The following CSMD2 variants were observed in gnomAD, a reference collection of about 807,000 sequenced individuals.
CSMD2 encodes the protein CUB and Sushi multiple domains 2.
CSMD2 carries 130 observed loss-of-function variants against 398.5 expected under a neutral mutation model. The ratio of observed to expected loss-of-function variants is 0.33; its 90% confidence interval spans 0.28 to 0.38. The LOEUF is 0.38. Ranked by LOEUF, CSMD2 falls within the 10% of genes least tolerant of loss-of-function variation. The pLI is 1.00. For synonymous variants in CSMD2, 1,828 were observed against 1,908.5 expected, an observed-to-expected ratio of 0.96 and a Z score of 1.10; for missense variants, 3,829 against 4,764.9, an observed-to-expected ratio of 0.80 and a Z score of 5.78.
intron 41 of CSMD2, 51 bp downstream of exon 41, chr1:33,610,990 G>A: frequency 6.4e-7 from 1 of 1,551,136 alleles, no homozygotes; most frequent in South Asian, 1.1e-5. Flanking sequence ...GGTGGCTGGG[G>A]CAAGAGATGG....
intron 7 of CSMD2, among the ~76,000 whole-genome samples, chr1:33,824,133 A>G (rs1267633848): frequency 6.6e-6 from 1 of 152,192 alleles, no homozygotes; most frequent in Non-Finnish European, 1.5e-5. Flanking sequence ...CAGTTGGGAT[A>G]AATATTTGAT....
At chr1:33,967,704 A>C (rs1300159963) in intron 3 of CSMD2, among the ~76,000 whole-genome samples, 2 of 152,184 alleles carry the variant, frequency 1.3e-5, no homozygotes, top group African/African-American at 4.8e-5. Flanking sequence ...AGTAGGGCCA[A>C]TAGGTTTGGG....
At chr1:33,979,241 C>T (rs774384905) in intron 3 of CSMD2, among the ~76,000 whole-genome samples, 4 of 152,170 alleles carry the variant, frequency 2.6e-5, no homozygotes, top group Admixed American at 1.3e-4. Flanking sequence ...GACCTGGCCC[C>T]GTCACAGCTG....
chr1:34,015,564 C>G (rs1647968898), intron 3 of CSMD2, among the ~76,000 whole-genome samples: 1 of 152,162 alleles, frequency 6.6e-6, no homozygotes, highest in South Asian at 2.1e-4. Flanking sequence ...TTCCCAGGCA[C>G]TCTGCAGATT....
At chr1:33,776,037 A>C (rs474826) in intron 12 of CSMD2, among the ~76,000 whole-genome samples, 51,654 of 152,100 alleles carry the variant, frequency 0.34, 9,966 homozygotes, top group African/African-American at 0.53. Flanking sequence ...GGCCAATACC[A>C]AACAGGAGAA....
intron 20 of CSMD2, among the ~76,000 whole-genome samples, chr1:33,715,817 CAGAG>C (rs1420441732): frequency 6.6e-6 from 1 of 152,106 alleles, no homozygotes; most frequent in Non-Finnish European, 1.5e-5. Context: ...AATCCCTAAA[CAGAG>C]AGATAAATAT....
chr1:33,855,676 G>A (rs543121810), intron 5 of CSMD2, among the ~76,000 whole-genome samples: 3 of 152,202 alleles, frequency 2.0e-5, no homozygotes, highest in South Asian at 2.1e-4. Context: ...TCTATTATAT[G>A]TCAGATCTGA....
intron 1 of CSMD2, among the ~76,000 whole-genome samples, chr1:34,125,683 A>C (rs1224615986): frequency 6.6e-6 from 1 of 152,210 alleles, no homozygotes; most frequent in East Asian, 1.9e-4. Context: ...GTTATTTAAT[A>C]AGAATGTCAC....
At chr1:33,766,524 G>A (rs921323834) in intron 13 of CSMD2, among the ~76,000 whole-genome samples, 5 of 152,044 alleles carry the variant, frequency 3.3e-5, no homozygotes, top group African/African-American at 1.2e-4. Flanking sequence ...AAGCCACAAG[G>A]GCCCACTTCA....
chr1:33,733,235 G>A (rs1162888091), intron 15 of CSMD2, among the ~76,000 whole-genome samples: 1 of 152,154 alleles, frequency 6.6e-6, no homozygotes, highest in African/African-American at 2.4e-5. Flanking sequence ...GGCTGGAAGT[G>A]TTGCCTCCTA....
chr1:33,662,684 T>C (rs1220270908), intron 26 of CSMD2, among the ~76,000 whole-genome samples: 1 of 152,234 alleles, frequency 6.6e-6, no homozygotes, highest in Non-Finnish European at 1.5e-5. Context: ...CCTATTTGTA[T>C]GTGTCTATTA....
Position 33,876,631 on chromosome 1 carries a change from G to A in CSMD2, c.921-29635C>T, listed in dbSNP as rs114246540. On this transcript the variant is annotated intron_variant, in intron 5 of 70. Transcript: ENST00000373381. The stretch of plus-strand genomic sequence containing the variant: ...AGATGGAGACACAGAGAGGTTAGGC[G>A]ACTTGCTTGAGGTCACACAGCTATC... 3.3e-3 allele frequency among the ~76,000 whole-genome samples: 508 copies of A among 152,266 alleles called. 5 individuals carry two copies. The highest frequency in any genetic ancestry group is 0.012 in the African/African-American group (496 of 41,548).
chr1:33,947,560 G>A (rs1644876253), intron 3 of CSMD2, among the ~76,000 whole-genome samples: 1 of 152,150 alleles, frequency 6.6e-6, no homozygotes, highest in East Asian at 1.9e-4. Flanking sequence ...GAAGCACCAT[G>A]TTCCCAAGGC....
At chr1:34,141,519 T>C (rs553227501) in intron 1 of CSMD2, among the ~76,000 whole-genome samples, 5 of 152,302 alleles carry the variant, frequency 3.3e-5, no homozygotes, top group Non-Finnish European at 5.9e-5. Flanking sequence ...ATTGAAGTGA[T>C]GGCTGGGCCT....
At chr1:33,718,354 G>A (rs761813304) in intron 19 of CSMD2, among the ~76,000 whole-genome samples, 2 of 152,254 alleles carry the variant, frequency 1.3e-5, no homozygotes, top group Non-Finnish European at 2.9e-5. Context: ...GTGGGCATGT[G>A]TGTAAGTGCG....
chr1:33,935,610 A>T, intron 4 of CSMD2, 150 bp downstream of exon 4: 1 of 724,882 alleles, frequency 1.4e-6, no homozygotes, highest in Non-Finnish European at 2.2e-6. Flanking sequence ...ACACTTGAGG[A>T]CCCTGAAAAC....
intron 1 of CSMD2, among the ~76,000 whole-genome samples, chr1:34,108,209 T>C (rs558888530): frequency 1.3e-5 from 2 of 152,186 alleles, no homozygotes; most frequent in African/African-American, 2.4e-5. Flanking sequence ...TGTGCCCTTA[T>C]GTGAGACATA....
intron 19 of CSMD2, 76 bp from the exon 20 acceptor site, chr1:33,716,577 C>G (rs927467713): frequency 6.8e-6 from 7 of 1,023,924 alleles, no homozygotes; most frequent in Non-Finnish European, 1.0e-5. Flanking sequence ...AGGATCTACA[C>G]AAACATTTCC....
intron 3 of CSMD2, among the ~76,000 whole-genome samples, chr1:34,016,220 G>C (rs1648091694): frequency 6.6e-6 from 1 of 152,080 alleles, no homozygotes; most frequent in African/African-American, 2.4e-5. Flanking sequence ...CATGTGCCAT[G>C]GTGGTTTGCT....
Sources: gnomAD v4.1 joint callset for allele counts (sites outside exome capture counted in the v4.1 genomes callset) on GRCh38, gnomAD v4.1.1 for gene constraint, MANE v1.5 for transcripts, NCBI Gene and HGNC (gene_info 2026-07-23, HGNC 2026-07-21) for gene names.